Variants in PRKN observed in about 807,000 individuals in gnomAD.
PRKN encodes the protein parkin RBR E3 ubiquitin protein ligase.
Under a neutral mutation model 59.5 loss-of-function variants are expected in PRKN, and 56 were observed. That is an observed-to-expected ratio of 0.94 (90% CI 0.76 to 1.18). The LOEUF is 1.18. Among genes scored for constraint, PRKN ranks in the 50% most tolerant of loss-of-function variants. The pLI is 0.00. For missense variants in PRKN, 657 were observed against 596.4 expected (o/e 1.10, Z -1.06); for synonymous variants, 250 against 222.1 (o/e 1.13, Z -1.12).
intron 6 of PRKN, among the ~76,000 whole-genome samples, chr6:161,940,772 G>A (rs550109714): frequency 9.2e-5 from 14 of 152,290 alleles, no homozygotes; most frequent in African/African-American, 3.1e-4. Flanking sequence ...AAGGGAAGAA[G>A]GTACATTCAG....
rs532623907 is a variant in PRKN at position 161,927,065 on chromosome 6, C to T, written c.734+46237G>A. On this transcript the variant is annotated intron_variant, in intron 6 of 11. Coordinates refer to ENST00000366898, the MANE Select transcript of PRKN (RefSeq NM_004562.3). ...CAGAAAATTACAGTTTTAGATACTT[C>T]GTGTGTGTGGGAGAAGATACTATAC... Among the ~76,000 whole-genome samples, 6 of 152,110 alleles carry T rather than the reference C, an allele frequency of 3.9e-5. No individual in the cohort carries two copies. The East Asian group carries it at 7.7e-4, about 20-fold the overall frequency.
rs748212596 is a variant in PRKN at position 162,356,747 on chromosome 6, TAAA to T, written c.171+86560_171+86562del. Among the ~76,000 whole-genome samples, 436 of 73,066 alleles carry T rather than the reference TAAA, an allele frequency of 6.0e-3. 1 individual carries two copies. Among genetic ancestry groups the T allele is most frequent in the African/African-American group, 0.019 (375 of 20,244 alleles). The allele number at this position is 73,066 out of a possible 152,430, so 47.9% of individuals were successfully genotyped here. ...CACAGTAATAAAGTGTGATTATTAG[TAAA>T]AAAAAAAAAAAAAAAAAAAAGATAA... On this transcript the variant is annotated intron_variant, in intron 2 of 11. Coordinates refer to ENST00000366898, the MANE Select transcript of PRKN (RefSeq NM_004562.3).
intron 1 of PRKN, among the ~76,000 whole-genome samples, chr6:162,498,144 T>A (rs1562332222): frequency 6.6e-6 from 1 of 152,152 alleles, no homozygotes; most frequent in Non-Finnish European, 1.5e-5. Context: ...TTGTGTTCAG[T>A]TCCACCTTTG....
chr6:161,732,894 A>G (rs1178319737), intron 7 of PRKN, among the ~76,000 whole-genome samples: 2 of 152,192 alleles, frequency 1.3e-5, no homozygotes, highest in Non-Finnish European at 2.9e-5. Flanking sequence ...AGTTTGCCTC[A>G]GGAGAATTTT....
intron 4 of PRKN, among the ~76,000 whole-genome samples, chr6:162,155,335 G>A (rs1445350296): frequency 6.6e-6 from 1 of 152,110 alleles, no homozygotes; most frequent in African/African-American, 2.4e-5. Flanking sequence ...AAATAATCAA[G>A]TAAGTCAAGG....
At chr6:162,205,893 A>T (rs541237717) in intron 3 of PRKN, among the ~76,000 whole-genome samples, 1 of 152,304 alleles carries the variant, frequency 6.6e-6, no homozygotes, top group East Asian at 1.9e-4. Context: ...AGCAGCTACC[A>T]AACTAGAAAG....
Position 161,357,007 on chromosome 6 carries a change from G to A in PRKN, c.1285+3081C>T, listed in dbSNP as rs1676388400. 6.6e-6 allele frequency among the ~76,000 whole-genome samples: 1 copy of A among 150,944 alleles called. No homozygotes were observed. The highest frequency in any genetic ancestry group is 2.4e-5 in the African/African-American group (1 of 41,054). Reference sequence around the variant, plus strand: ...TGCTGAACCAAACAACCACGGAGGAGAGAAACAGAAAGCAACAGGTCCAGG... The same window carrying A: ...TGCTGAACCAAACAACCACGGAGGAAAGAAACAGAAAGCAACAGGTCCAGG... On this transcript the variant is annotated intron_variant, in intron 11 of 11. Transcript: ENST00000366898. This position sits in a 1 kb window ranked among gnomAD's most constrained non-coding sequence, Gnocchi z 5.5.
intron 5 of PRKN, among the ~76,000 whole-genome samples, chr6:162,047,521 C>A (rs569704515): frequency 1.6e-4 from 25 of 152,074 alleles, no homozygotes; most frequent in Admixed American, 4.6e-4. Context: ...AGCAAACCAA[C>A]CTTTTATTGT....
chr6:162,052,676 T>C (rs1272399537), intron 5 of PRKN, among the ~76,000 whole-genome samples: 1 of 152,082 alleles, frequency 6.6e-6, no homozygotes, highest in Non-Finnish European at 1.5e-5. Context: ...GAAGAGTGAA[T>C]ATTGGCCCCA....
chr6:162,267,822 C>T (rs1361044093), intron 2 of PRKN, among the ~76,000 whole-genome samples: 1 of 151,998 alleles, frequency 6.6e-6, no homozygotes, highest in Non-Finnish European at 1.5e-5. Context: ...TTTTGCCAAA[C>T]AATGATCAAC....
At chr6:162,213,883 G>A (rs988978807) in intron 3 of PRKN, among the ~76,000 whole-genome samples, 3 of 144,358 alleles carry the variant, frequency 2.1e-5, no homozygotes, top group Non-Finnish European at 3.0e-5. Context: ...AAGTAATAGA[G>A]TCTTATATTG....
chr6:162,143,870 T>C (rs992269410), intron 4 of PRKN, among the ~76,000 whole-genome samples: 2 of 152,072 alleles, frequency 1.3e-5, no homozygotes, highest in Non-Finnish European at 2.9e-5. Context: ...AGAGAACTCA[T>C]GGGGAAAAAG....
At chr6:162,393,682 T>C (rs1787334114) in intron 2 of PRKN, among the ~76,000 whole-genome samples, 3 of 152,190 alleles carry the variant, frequency 2.0e-5, no homozygotes, top group Non-Finnish European at 4.4e-5. Flanking sequence ...CAACATGGTA[T>C]TGTGGTAAGA....
chr6:161,736,336 T>C (rs1426212565), intron 7 of PRKN, among the ~76,000 whole-genome samples: 4 of 152,250 alleles, frequency 2.6e-5, no homozygotes, highest in Non-Finnish European at 4.4e-5. Context: ...ACTCCTTTAA[T>C]TGTCTGTAAA....
intron 10 of PRKN, among the ~76,000 whole-genome samples, chr6:161,375,768 C>T (rs12198438): frequency 0.082 from 12,541 of 152,164 alleles, 634 homozygotes; most frequent in Non-Finnish European, 0.11. Flanking sequence ...TGCAGAGGGG[C>T]GGGTGCTGTC....
At chr6:161,676,289 C>T (rs1785084090) in intron 7 of PRKN, among the ~76,000 whole-genome samples, 1 of 152,194 alleles carries the variant, frequency 6.6e-6, no homozygotes, top group Non-Finnish European at 1.5e-5. Flanking sequence ...GGACCCACTA[C>T]ATTAATTTGC....
At chr6:161,968,649 G>T (rs1375410108) in intron 6 of PRKN, among the ~76,000 whole-genome samples, 17 of 151,940 alleles carry the variant, frequency 1.1e-4, no homozygotes, top group Non-Finnish European at 2.9e-5. Context: ...TTTGATTAAT[G>T]ATGTATGATT....
intron 2 of PRKN, among the ~76,000 whole-genome samples, chr6:162,269,035 G>A (rs546661737): frequency 6.6e-6 from 1 of 152,242 alleles, no homozygotes; most frequent in East Asian, 1.9e-4. Context: ...GTAAGAACAA[G>A]TGGGTTGCAG....
intron 2 of PRKN, among the ~76,000 whole-genome samples, chr6:162,419,379 A>T (rs1021702628): frequency 2.0e-5 from 3 of 152,202 alleles, no homozygotes; most frequent in African/African-American, 7.2e-5. Context: ...ATAATAGCTA[A>T]AATCAACTGA....
Sources: allele counts gnomAD v4.1 joint callset (sites outside exome capture counted in the v4.1 genomes callset), GRCh38; gene constraint gnomAD v4.1.1; non-coding constraint Gnocchi (gnomAD v3.1); transcripts MANE v1.5; gene names NCBI Gene and HGNC (gene_info 2026-07-23, HGNC 2026-07-21).